The following ATF7 variants were observed in gnomAD, a reference collection of about 807,000 sequenced individuals.
ATF7 encodes the protein cyclic AMP-dependent transcription factor ATF-7.
In ATF7, 10 loss-of-function variants were observed where a neutral mutation model predicts 50.4. The ratio of observed to expected loss-of-function variants is 0.20; its 90% confidence interval spans 0.12 to 0.34. The LOEUF (loss-of-function observed/expected upper bound fraction) is 0.34, where lower values mean the gene tolerates loss of function less well. Ranked by LOEUF, ATF7 falls within the 10% of genes least tolerant of loss-of-function variation. The probability of loss-of-function intolerance (pLI) is 1.00; values close to 1 mark genes in which losing one functional copy is unlikely to be tolerated. For missense variants in ATF7, 465 were observed against 613.9 expected (o/e 0.76, Z 2.56); for synonymous variants, 201 against 226.4 (o/e 0.89, Z 1.01).
downstream of ATF7, chr12:53,508,077 A>G (rs1467813867): frequency 6.6e-6 from 1 of 151,722 alleles, no homozygotes; most frequent in Non-Finnish European, 1.5e-5. Context: ...AGAGAATTTA[A>G]CTTTTTTTCT....
intron 2 of ATF7, among the ~76,000 whole-genome samples, chr12:53,589,561 C>T (rs760856437): frequency 6.6e-6 from 1 of 152,156 alleles, no homozygotes; most frequent in Non-Finnish European, 1.5e-5. Flanking sequence ...CCCTGACCAC[C>T]ATGCTAAGAA....
At position 53,514,839 on chromosome 12, in the gene ATF7, A is replaced by C. The variant is rs1224948512; in HGVS notation, c.*2298T>G. The C allele has an allele frequency of 6.6e-6, 1 of 152,210 alleles. No individual in the cohort carries two copies. The highest frequency in any genetic ancestry group is 1.5e-5 in the Non-Finnish European group (1 of 68,046). 9.4% of individuals were successfully genotyped at this position (152,210 alleles called of 1,614,324 possible). On this transcript the variant is annotated 3_prime_UTR_variant, in exon 12 of 12. Transcript: ENST00000420353. ...ACTTGACTGAAGGGGGAAGAAAAAT[A>C]GTCAAGAGTCTTAGGAAAGCTCCTT...
intron 2 of ATF7, among the ~76,000 whole-genome samples, chr12:53,568,427 C>T (rs553451862): frequency 4.9e-4 from 74 of 152,262 alleles, no homozygotes; most frequent in Non-Finnish European, 9.1e-4. Context: ...CTCTCTCTCT[C>T]CTTCCCTCAC....
chr12:53,576,526 C>T (rs1161621945), intron 2 of ATF7, among the ~76,000 whole-genome samples: 3 of 152,188 alleles, frequency 2.0e-5, no homozygotes, highest in African/African-American at 7.2e-5. Flanking sequence ...TCACTTTACC[C>T]TGTCCTCCAA....
intron 3 of ATF7, among the ~76,000 whole-genome samples, chr12:53,547,782 T>C (rs1053861563): frequency 5.3e-5 from 8 of 151,840 alleles, no homozygotes; most frequent in Admixed American, 4.6e-4. Context: ...TATGTATGTA[T>C]GTATGTATGT....
At chr12:53,570,049 T>G (rs1277061425) in intron 2 of ATF7, among the ~76,000 whole-genome samples, 1 of 152,210 alleles carries the variant, frequency 6.6e-6, no homozygotes, top group African/African-American at 2.4e-5. Flanking sequence ...AAATTATTCA[T>G]GGACTGATTT....
At chr12:53,574,384 A>G (rs986708727) in intron 2 of ATF7, among the ~76,000 whole-genome samples, 2 of 152,150 alleles carry the variant, frequency 1.3e-5, no homozygotes, top group African/African-American at 4.8e-5. Flanking sequence ...AATATCCTTT[A>G]TAATAAACTG....
intron 1 of ATF7, among the ~76,000 whole-genome samples, chr12:53,619,905 G>A (rs533538401): frequency 6.6e-6 from 1 of 152,168 alleles, no homozygotes; most frequent in Non-Finnish European, 1.5e-5. Context: ...CAGCACTTTG[G>A]GAGGCTAAGG....
intron 1 of ATF7, among the ~76,000 whole-genome samples, chr12:53,621,563 C>T (rs1944380607): frequency 6.6e-6 from 1 of 151,866 alleles, no homozygotes; most frequent in Non-Finnish European, 1.5e-5. Flanking sequence ...GGGTGGATCA[C>T]TTAAAGTCAG....
chr12:53,528,326 T>C (rs1185292157), intron 9 of ATF7, among the ~76,000 whole-genome samples: 2 of 152,180 alleles, frequency 1.3e-5, no homozygotes, highest in East Asian at 3.9e-4. Context: ...CTGGAGCACA[T>C]GTAAAGATTA....
chr12:53,617,135 G>A (rs1213217622), intron 1 of ATF7, among the ~76,000 whole-genome samples: 4 of 151,936 alleles, frequency 2.6e-5, no homozygotes, highest in Admixed American at 1.3e-4. Flanking sequence ...CAATCCTCCC[G>A]CTTCAGCCTC....
intron 11 of ATF7, among the ~76,000 whole-genome samples, chr12:53,519,512 G>A (rs1484238982): frequency 2.0e-5 from 3 of 152,000 alleles, no homozygotes; most frequent in Non-Finnish European, 4.4e-5. Flanking sequence ...GACTAGCCTG[G>A]GGAACATGGT....
intron 2 of ATF7, among the ~76,000 whole-genome samples, chr12:53,600,286 A>G (rs1012102319): frequency 6.6e-6 from 1 of 152,186 alleles, no homozygotes; most frequent in Non-Finnish European, 1.5e-5. Context: ...TGCCTCTCCA[A>G]ATATGTTAAG....
At chr12:53,529,161 G>A (rs1938687194) in intron 9 of ATF7, among the ~76,000 whole-genome samples, 1 of 152,146 alleles carries the variant, frequency 6.6e-6, no homozygotes, top group South Asian at 2.1e-4. Flanking sequence ...CTCATGACCA[G>A]CCTGGGCAAC....
chr12:53,602,829 G>A (rs1047056595), intron 1 of ATF7, among the ~76,000 whole-genome samples: 14 of 151,934 alleles, frequency 9.2e-5, no homozygotes, highest in Non-Finnish European at 4.4e-5. Flanking sequence ...TAGCACTTTC[G>A]GGAACTACAA....
chr12:53,533,885 A>G (rs765440782), intron 6 of ATF7, among the ~76,000 whole-genome samples: 2 of 152,240 alleles, frequency 1.3e-5, no homozygotes, highest in African/African-American at 2.4e-5. Context: ...TAGTACCCCA[A>G]TAGACTTCTA....
At chr12:53,577,863 G>GACAA (rs760219610) in intron 2 of ATF7, among the ~76,000 whole-genome samples, 14 of 151,696 alleles carry the variant, frequency 9.2e-5, no homozygotes, top group African/African-American at 3.2e-4. Context: ...CAGGCTAAAT[G>GACAA]ACAAACAAAC....
chr12:53,585,727 A>G (rs1003057523), intron 2 of ATF7, among the ~76,000 whole-genome samples: 1 of 151,688 alleles, frequency 6.6e-6, no homozygotes, highest in African/African-American at 2.4e-5. Context: ...CCAGACACTG[A>G]TTTTTCTATC....
At chr12:53,585,384 C>A (rs1037063028) in intron 2 of ATF7, among the ~76,000 whole-genome samples, 2 of 151,994 alleles carry the variant, frequency 1.3e-5, no homozygotes, top group African/African-American at 2.4e-5. Context: ...TTGAATGTAA[C>A]AAATTAGCAT....
Sources: gnomAD v4.1 joint callset for allele counts (sites outside exome capture counted in the v4.1 genomes callset) on GRCh38, gnomAD v4.1.1 for gene constraint, MANE v1.5 for transcripts, NCBI Gene and HGNC (gene_info 2026-07-23, HGNC 2026-07-21) for gene names.